SFMBT2: variants seen among roughly 807,000 people sequenced by gnomAD.
The protein encoded by SFMBT2 is Scm like with four mbt domains 2.
In SFMBT2, 38 loss-of-function variants were observed where a neutral mutation model predicts 110.1. That is an observed-to-expected ratio of 0.35 (90% CI 0.27 to 0.45). SFMBT2 has a LOEUF of 0.45. SFMBT2 is among the 20% of genes least tolerant of loss of function. The pLI is 1.00. For missense variants in SFMBT2, 1,011 were observed against 1,094.9 expected, an observed-to-expected ratio of 0.92 and a Z score of 1.08; for synonymous variants, 425 against 425.4, an observed-to-expected ratio of 1.00 and a Z score of 0.01.
intron 4 of SFMBT2, among the ~76,000 whole-genome samples, chr10:7,348,796 G>A (rs942768310): frequency 2.6e-5 from 4 of 152,206 alleles, no homozygotes; most frequent in Admixed American, 2.6e-4. Flanking sequence ...CAATACAAAC[G>A]CTGTTTGGCT....
intron 5 of SFMBT2, 77 bp from the exon 6 acceptor site, chr10:7,284,227 T>C (rs1842024861): frequency 6.4e-7 from 1 of 1,551,656 alleles, no homozygotes; most frequent in East Asian, 2.2e-5. Flanking sequence ...CAGCAGAAGA[T>C]AATATTTTTT....
At chr10:7,351,621 T>G (rs1398169999) in intron 4 of SFMBT2, among the ~76,000 whole-genome samples, 1 of 152,194 alleles carries the variant, frequency 6.6e-6, no homozygotes, top group Non-Finnish European at 1.5e-5. Context: ...AGCAAATGGC[T>G]GAGATCAGTT....
Position 7,300,826 on chromosome 10 carries a change from T to C in SFMBT2, c.437-14872A>G, listed in dbSNP as rs543889608. Among the ~76,000 whole-genome samples the C allele has an allele frequency of 1.4e-4, 21 of 152,370 alleles. No homozygotes were observed. In the South Asian group the frequency reaches 2.9e-3, roughly 21 times the overall value. On this transcript the variant is annotated intron_variant, in intron 4 of 20. Transcript: ENST00000397167. ...CTGGATTAAAGGTTAAATGACTTTC[T>C]GTACTATTTCTGTCATTAGCTGCAA...
chr10:7,215,862 T>C (rs1187244192), intron 11 of SFMBT2: 1 of 339,006 alleles, frequency 2.9e-6, no homozygotes, highest in Non-Finnish European at 4.2e-6. Flanking sequence ...TAGACCCCCA[T>C]GGGATTGTCT....
chr10:7,264,734 A>G (rs1841327639), intron 7 of SFMBT2, among the ~76,000 whole-genome samples: 1 of 152,154 alleles, frequency 6.6e-6, no homozygotes, highest in Admixed American at 6.5e-5. Context: ...ACAGCGATCA[A>G]TTCAGCAGAA....
intron 4 of SFMBT2, among the ~76,000 whole-genome samples, chr10:7,317,692 G>A (rs987838253): frequency 1.3e-5 from 2 of 150,316 alleles, no homozygotes; most frequent in Admixed American, 6.6e-5. Context: ...TTCTGGCCAC[G>A]CTGACCTGGT....
At chr10:7,325,889 T>C (rs1255996064) in intron 4 of SFMBT2, among the ~76,000 whole-genome samples, 2 of 152,346 alleles carry the variant, frequency 1.3e-5, no homozygotes, top group East Asian at 1.9e-4. Flanking sequence ...AGTGGGTGAA[T>C]TGCATAGTAT....
intron 9 of SFMBT2, among the ~76,000 whole-genome samples, chr10:7,229,878 G>A (rs1057384560): frequency 2.0e-5 from 3 of 151,352 alleles, no homozygotes; most frequent in African/African-American, 7.3e-5. Context: ...CCGCCACCAT[G>A]CCTGGCTAAT....
At chr10:7,269,715 CGTGTGTGTGTGTGTGT>C (rs35063251) in intron 7 of SFMBT2, among the ~76,000 whole-genome samples, 6 of 38,540 alleles carry the variant, frequency 1.6e-4, no homozygotes, top group Middle Eastern at 0.022. Flanking sequence ...TAAGTGTGTG[CGTGTGTGTGTGTGTGT>C]GTGTGTGTGT....
intron 17 of SFMBT2, 80 bp downstream of exon 17, chr10:7,175,910 A>G (rs1238261204): frequency 3.0e-6 from 4 of 1,354,064 alleles, no homozygotes; most frequent in Non-Finnish European, 4.1e-6. Context: ...AAAAAAGCAA[A>G]TGAAACAAAA....
intron 4 of SFMBT2, among the ~76,000 whole-genome samples, chr10:7,364,835 G>A (rs1844841959): frequency 6.6e-6 from 1 of 152,234 alleles, no homozygotes; most frequent in Non-Finnish European, 1.5e-5. Flanking sequence ...GGGCACAAAT[G>A]TGTGGCACCT....
chr10:7,284,635 G>C, intron 5 of SFMBT2: 1 of 254,802 alleles, frequency 3.9e-6, no homozygotes, highest in Non-Finnish European at 6.2e-6. Flanking sequence ...TGACCAAAAT[G>C]CTCTCATACT....
intron 1 of SFMBT2, among the ~76,000 whole-genome samples, chr10:7,382,243 C>T (rs1161539496): frequency 2.0e-5 from 3 of 152,000 alleles, no homozygotes; most frequent in Non-Finnish European, 2.9e-5. Context: ...AACCCTGTCT[C>T]TACTGAAAAT....
chr10:7,217,298 AT>A (rs2131640683), intron 11 of SFMBT2, among the ~76,000 whole-genome samples: 2 of 152,322 alleles, frequency 1.3e-5, no homozygotes, highest in African/African-American at 4.8e-5. Context: ...GAACTGTATA[AT>A]TTAAAATGAC....
intron 1 of SFMBT2, among the ~76,000 whole-genome samples, chr10:7,384,896 ACAT>A (rs1313619540): frequency 6.6e-6 from 1 of 152,174 alleles, no homozygotes; most frequent in Non-Finnish European, 1.5e-5. Context: ...ACAGAACTAA[ACAT>A]CACCTAACAC....
At chr10:7,189,233 C>T (rs761554237) in intron 15 of SFMBT2, 3 of 942,856 alleles carry the variant, frequency 3.2e-6, no homozygotes, top group South Asian at 9.8e-5. Flanking sequence ...CTTGCAGGCT[C>T]AATTCATGGA....
chr10:7,176,312 TCA>T, intron 16 of SFMBT2, 147 bp from the exon 17 acceptor site: 3 of 1,055,582 alleles, frequency 2.8e-6, no homozygotes, highest in South Asian at 1.7e-5. Context: ...CTGTTATTTC[TCA>T]CAGAGATATT....
intron 6 of SFMBT2, among the ~76,000 whole-genome samples, chr10:7,279,587 C>A (rs1841891266): frequency 6.6e-6 from 1 of 152,128 alleles, no homozygotes; most frequent in Non-Finnish European, 1.5e-5. Flanking sequence ...GAACATCGAC[C>A]ATTTTCTTAA....
chr10:7,381,626 A>G (rs1349753743), intron 2 of SFMBT2, among the ~76,000 whole-genome samples, 173 bp downstream of exon 2: 1 of 152,158 alleles, frequency 6.6e-6, no homozygotes, highest in Non-Finnish European at 1.5e-5. Context: ...TCAAAATAAG[A>G]ATCTTGACCC....
Sources: allele counts gnomAD v4.1 joint callset (sites outside exome capture counted in the v4.1 genomes callset), GRCh38; gene constraint gnomAD v4.1.1; transcripts MANE v1.5; gene names NCBI Gene and HGNC (gene_info 2026-07-23, HGNC 2026-07-21).